LRRIQ4: variants seen among roughly 807,000 people sequenced by gnomAD.
LRRIQ4 encodes leucine rich repeats and IQ motif containing 4.
In LRRIQ4, 21 loss-of-function variants were observed where a neutral mutation model predicts 40.1. The observed-to-expected ratio is 0.52, with a 90% confidence interval of 0.37 to 0.75. The LOEUF (loss-of-function observed/expected upper bound fraction) is 0.75, where lower values mean the gene tolerates loss of function less well. Among genes scored for constraint, LRRIQ4 ranks in the 30% least tolerant of loss-of-function variants. LRRIQ4 has a pLI of 0.00. For missense variants in LRRIQ4, 655 were observed against 660.0 expected (o/e 0.99, Z 0.08); for synonymous variants, 277 against 277.1 (o/e 1.00, Z 0.00).
chr3:169,832,467 C>CA (rs766710567), intron 4 of LRRIQ4, among the ~76,000 whole-genome samples: 2,242 of 104,136 alleles, frequency 0.022, 54 homozygotes, highest in African/African-American at 0.063. Flanking sequence ...GACTCTGTCT[C>CA]AAAAAAAAAA....
intron 5 of LRRIQ4, among the ~76,000 whole-genome samples, chr3:169,835,860 A>G (rs1576773173): frequency 6.6e-6 from 1 of 152,168 alleles, no homozygotes; most frequent in East Asian, 1.9e-4. Flanking sequence ...TCCTGTGCCC[A>G]GAGATGCTTT....
At position 169,830,546 on chromosome 3, in the gene LRRIQ4, T is replaced by C. The variant is rs1028241068; in HGVS notation, c.1249T>C (p.Leu417=). 8 of 1,613,052 alleles carry C rather than the reference T, an allele frequency of 5.0e-6. No homozygotes were observed. In the African/African-American group the frequency reaches 6.7e-5, roughly 13 times the overall value. Residue 417 remains leucine (L), a synonymous_variant, in exon 4 of 6, where the codon TTG becomes CTG. Coordinates refer to ENST00000340806, the MANE Select transcript of LRRIQ4 (RefSeq NM_001080460.3). ...TCATCTGGAGTACCTGCCCGTATCC[T>C]TGGGGTCAATGCCTAACCTAGAAGT... ...NNHLEYLPVS[L]GSMPNLEVLD...
At chr3:169,827,808 A>G (rs1039104111) in intron 2 of LRRIQ4, among the ~76,000 whole-genome samples, 5 of 152,158 alleles carry the variant, frequency 3.3e-5, no homozygotes, top group Non-Finnish European at 7.4e-5. Context: ...ATGGCTCGCT[A>G]TAAAAAGTAT....
intron 2 of LRRIQ4, 50 bp downstream of exon 2, chr3:169,822,991 C>T: frequency 6.9e-7 from 1 of 1,445,912 alleles, no homozygotes; most frequent in Non-Finnish European, 9.1e-7. Flanking sequence ...AGGGTCCTTC[C>T]TGCCCTAAGT....
chr3:169,830,408 A>AAAAAAT (rs1560614503), intron 3 of LRRIQ4, 84 bp from the exon 4 acceptor site: 2 of 548,922 alleles, frequency 3.6e-6, no homozygotes, highest in East Asian at 4.7e-5. Flanking sequence ...AAAAAAAAAA[A>AAAAAAT]ATGCATGAGC....
intron 3 of LRRIQ4, 98 bp downstream of exon 3, chr3:169,829,030 G>A (rs1780106155): frequency 1.9e-6 from 2 of 1,069,912 alleles, no homozygotes; most frequent in African/African-American, 3.2e-5. Context: ...GCTGGATGTA[G>A]AATCATCCAT....
chr3:169,820,580 A>C (rs1489989759), intron 1 of LRRIQ4, among the ~76,000 whole-genome samples: 1 of 134,124 alleles, frequency 7.5e-6, no homozygotes, highest in Non-Finnish European at 1.5e-5. Context: ...TCTGTCGCCC[A>C]GGCTGGAGTG....
intron 1 of LRRIQ4, among the ~76,000 whole-genome samples, chr3:169,815,657 T>C (rs1176555340): frequency 6.6e-6 from 1 of 152,206 alleles, no homozygotes; most frequent in Non-Finnish European, 1.5e-5. Context: ...TTGCTCTAGC[T>C]AAGACTTCCA....
rs752337887 is a variant in LRRIQ4, at chr3:169,822,289, T to C, written c.368T>C (p.Leu123Pro). 7 of 1,613,510 alleles carry C rather than the reference T, an allele frequency of 4.3e-6. No individual in the cohort carries two copies. The South Asian group carries it at 7.7e-5, about 18-fold the overall frequency. ...AGCTTCCTCCACGCCCTGCGCGAGC[T>C]CCGGCTCTACCAGACCGACCTGAAG... is the stretch of plus-strand genomic sequence containing the variant. ...VVSFLHALRELRLYQTDLKEI... is the reference protein window; with the variant it reads ...VVSFLHALREPRLYQTDLKEI... The change falls in exon 2 of 6, where the codon CTC becomes CCC. Residue 123 changes from leucine (L) to proline (P), a missense_variant. By Grantham distance (98) the Leu-to-Pro change is moderately conservative. Coordinates refer to ENST00000340806, the MANE Select transcript of LRRIQ4 (RefSeq NM_001080460.3).
intron 4 of LRRIQ4, among the ~76,000 whole-genome samples, chr3:169,831,374 C>T (rs1369058772): frequency 1.5e-5 from 2 of 134,266 alleles, no homozygotes; most frequent in East Asian, 4.2e-4. Flanking sequence ...CCCGGGTTCA[C>T]GCTATTCTTC....
intron 2 of LRRIQ4, among the ~76,000 whole-genome samples, chr3:169,827,606 C>CA (rs59524627): frequency 0.011 from 820 of 76,648 alleles, 6 homozygotes; most frequent in Middle Eastern, 0.024. Flanking sequence ...GACTCCGTCT[C>CA]AAAAAAAAAA....
rs531491678 is a variant in LRRIQ4 at position 169,833,125 on chromosome 3, A to G, written c.1472A>G (p.Asn491Ser). The stretch of plus-strand genomic sequence containing the variant: ...CCAAAAGAAGTGTGTGCTGAAGGCA[A>G]TGAGGCCATATGGAAATACCTCAAG... ...EPPKEVCAEG[N>S]EAIWKYLKEN... Residue 491 changes from asparagine (N) to serine (S), a missense_variant, in exon 5 of 6, where the codon AAT (asparagine) becomes AGT (serine). Physicochemically the swap from Asn to Ser is conservative, Grantham distance 46 (BLOSUM62 1). Transcript: ENST00000340806. The G allele has an allele frequency of 6.2e-7, 1 of 1,614,024 alleles. No homozygotes were observed. Among genetic ancestry groups the G allele is most frequent in the Admixed American group, 1.7e-5 (1 of 60,024 alleles).
intron 2 of LRRIQ4, among the ~76,000 whole-genome samples, chr3:169,827,054 T>C (rs891258899): frequency 6.6e-6 from 1 of 151,834 alleles, no homozygotes; most frequent in African/African-American, 2.4e-5. Context: ...CACCCATCCA[T>C]AGAGAGGTGG....
chr3:169,830,409 A>T (rs1780139407), intron 3 of LRRIQ4, 83 bp from the exon 4 acceptor site: 3 of 508,864 alleles, frequency 5.9e-6, no homozygotes, highest in South Asian at 7.2e-5. Flanking sequence ...AAAAAAAAAA[A>T]TGCATGAGCA....
At chr3:169,813,573 T>C (rs1486999807) in intron 1 of LRRIQ4, among the ~76,000 whole-genome samples, 1 of 152,170 alleles carries the variant, frequency 6.6e-6, no homozygotes, top group African/African-American at 2.4e-5. Flanking sequence ...ATCCTCTCCA[T>C]AGGGTGTACA....
chr3:169,823,300 C>T (rs1261958915), intron 2 of LRRIQ4, among the ~76,000 whole-genome samples: 2 of 151,208 alleles, frequency 1.3e-5, no homozygotes, highest in African/African-American at 4.9e-5. Flanking sequence ...GCTGCAGCCG[C>T]GATTCCAGCC....
rs898367006 is a variant in LRRIQ4, at chr3:169,828,929, G to A, written c.1191G>A (p.Leu397=). The A allele has an allele frequency of 6.2e-7, 1 of 1,604,248 alleles. No individual in the cohort carries two copies. The highest frequency in any genetic ancestry group is 8.5e-7 in the Non-Finnish European group (1 of 1,177,012). The change falls in exon 3 of 6, where the codon CTG becomes CTA. Residue 397 remains leucine (L), a synonymous_variant. Coordinates refer to ENST00000340806, the MANE Select transcript of LRRIQ4 (RefSeq NM_001080460.3). ...ATGTGCCAGAACACATTAGGAAACT[G>A]CAGGTAAGCCTCCCCAAATGAGCAG... ...LTYVPEHIRK[L]QSLKELYIEN... is the part of the protein sequence containing the mutation.
At chr3:169,835,798 G>A (rs1780291228) in intron 5 of LRRIQ4, among the ~76,000 whole-genome samples, 1 of 152,118 alleles carries the variant, frequency 6.6e-6, no homozygotes, top group South Asian at 2.1e-4. Context: ...CAGATCTGGT[G>A]TTCCTCCAAG....
At position 169,830,627 on chromosome 3, in the gene LRRIQ4, CA is replaced by C. The variant is rs773928320; in HGVS notation, c.1332del (p.Ala445LeufsTer2). The C allele has an allele frequency of 3.9e-5, 63 of 1,613,836 alleles. No individual in the cohort carries two copies. The South Asian group carries it at 6.8e-4, about 17-fold the overall frequency. On this transcript the variant is annotated frameshift_variant and splice_region_variant, in exon 4 of 6. Coordinates refer to ENST00000340806, the MANE Select transcript of LRRIQ4 (RefSeq NM_001080460.3). LOFTEE classifies it high-confidence loss of function. Reference protein sequence around the residue: ...KQLPDAICQAQALKELRLEDN... With the variant: ...KQLPDAICQAXALKELRLEDN... ...ACTTCCAGATGCCATTTGCCAAGCA[CA>C]AGGTGAGGAAACTTAGTAGATTCAC...
Sources: gnomAD v4.1 joint callset for allele counts (sites outside exome capture counted in the v4.1 genomes callset) on GRCh38, gnomAD v4.1.1 for gene constraint, MANE v1.5 for transcripts, NCBI Gene and HGNC (gene_info 2026-07-23, HGNC 2026-07-21) for gene names.